Variants in CACNB2 observed in about 807,000 individuals in gnomAD.
The protein encoded by CACNB2 is calcium voltage-gated channel auxiliary subunit beta 2.
Under a neutral mutation model 73.3 loss-of-function variants are expected in CACNB2, and 42 were observed. The ratio of observed to expected loss-of-function variants is 0.57; its 90% confidence interval spans 0.45 to 0.74. CACNB2 has a LOEUF of 0.74. Among genes scored for constraint, CACNB2 ranks in the 30% least tolerant of loss-of-function variants. CACNB2 has a pLI of 0.00. For synonymous variants in CACNB2, 348 were observed against 310.3 expected (o/e 1.12, Z -1.28); for missense variants, 940 against 853.0 (o/e 1.10, Z -1.27).
intron 3 of CACNB2, among the ~76,000 whole-genome samples, chr10:18,484,874 G>T (rs1287993598): frequency 6.6e-6 from 1 of 152,040 alleles, no homozygotes; most frequent in East Asian, 1.9e-4. Context: ...CAAAATCCTG[G>T]CTGGGCGCGA....
intron 3 of CACNB2, among the ~76,000 whole-genome samples, chr10:18,460,774 C>A (rs1234064991): frequency 6.6e-6 from 1 of 151,592 alleles, no homozygotes; most frequent in Non-Finnish European, 1.5e-5. Flanking sequence ...CCTGTGGCCC[C>A]AGCTACTCAG....
chr10:18,241,789 T>G (rs2036660436), intron 2 of CACNB2, among the ~76,000 whole-genome samples: 1 of 152,064 alleles, frequency 6.6e-6, no homozygotes, highest in Non-Finnish European at 1.5e-5. Context: ...CTTTTAATCT[T>G]TATAGTCTGC....
intron 2 of CACNB2, among the ~76,000 whole-genome samples, chr10:18,177,972 A>T (rs2033691860): frequency 6.6e-6 from 1 of 152,142 alleles, no homozygotes. Flanking sequence ...TATCATATGC[A>T]TTTTGCAGCT....
intron 2 of CACNB2, among the ~76,000 whole-genome samples, chr10:18,355,965 C>A (rs1028594978): frequency 6.6e-6 from 1 of 151,968 alleles, no homozygotes; most frequent in Non-Finnish European, 1.5e-5. Context: ...CTGTAATGTC[C>A]GAGTCAACTA....
At chr10:18,248,563 C>T (rs536510784) in intron 2 of CACNB2, among the ~76,000 whole-genome samples, 1 of 152,256 alleles carries the variant, frequency 6.6e-6, no homozygotes, top group Admixed American at 6.5e-5. Flanking sequence ...TCATTCATTT[C>T]TTTGTCACTA....
In CACNB2 at chr10:18,176,413, A is replaced by G. The variant is rs1421935175; in HGVS notation, c.213+25438A>G. On this transcript the variant is annotated intron_variant, in intron 2 of 13. Coordinates refer to ENST00000324631, the MANE Select transcript of CACNB2 (RefSeq NM_201596.3). ...AGGGAAATAGAGAAAGTGCTCTAGG[A>G]GTTTAGTGTAGGAACATATTGTTCT... 2.0e-5 allele frequency among the ~76,000 whole-genome samples: 3 copies of G among 152,128 alleles called. No individual in the cohort carries two copies. In the East Asian group the frequency reaches 5.8e-4, roughly 29 times the overall value.
At chr10:18,424,745 G>A (rs1436974646) in intron 3 of CACNB2, among the ~76,000 whole-genome samples, 2 of 151,996 alleles carry the variant, frequency 1.3e-5, no homozygotes, top group African/African-American at 4.8e-5. Context: ...GTTCTTTTGA[G>A]ACTGCTTTTT....
At chr10:18,472,347 T>C (rs140192425) in intron 3 of CACNB2, among the ~76,000 whole-genome samples, 3,426 of 151,194 alleles carry the variant, frequency 0.023, 47 homozygotes, top group African/African-American at 0.025. Flanking sequence ...AGTGATTCTT[T>C]TGCCTCAGCC....
At chr10:18,273,896 A>G (rs550651508) in intron 2 of CACNB2, among the ~76,000 whole-genome samples, 1 of 152,192 alleles carries the variant, frequency 6.6e-6, no homozygotes, top group Non-Finnish European at 1.5e-5. Context: ...AACTTTAACT[A>G]CTAGATCCAG....
At chr10:18,476,610 T>G (rs1264094091) in intron 3 of CACNB2, among the ~76,000 whole-genome samples, 1 of 152,152 alleles carries the variant, frequency 6.6e-6, no homozygotes, top group Non-Finnish European at 1.5e-5. Flanking sequence ...CTACAGAAAG[T>G]GACCAATCAG....
At position 18,539,259 on chromosome 10, in the gene CACNB2, C is replaced by T. The variant is rs34813638; in HGVS notation, c.1518C>T (p.Arg506=). Residue 506 remains arginine, a synonymous_variant, in exon 14 of 14, where the codon CGC becomes CGT. Transcript: ENST00000324631. ...CTCAAGGTGATCAGAGGACTGATCG[C>T]TCCGCTCCTATCCGTTCTGCTTCCC... ...QGSQGDQRTD[R]SAPIRSASQA... The T allele has an allele frequency of 1.8e-3, 2,898 of 1,613,990 alleles. 47 individuals are homozygous for T. In the African/African-American group the frequency reaches 0.035, roughly 20 times the overall value.
chr10:18,484,141 C>A (rs1257847278), intron 3 of CACNB2, among the ~76,000 whole-genome samples: 1 of 152,168 alleles, frequency 6.6e-6, no homozygotes, highest in Admixed American at 6.5e-5. Flanking sequence ...CACTTGTAAT[C>A]CCAGCACTTT....
rs111401669 is a variant in CACNB2, at chr10:18,487,048, G to A, written c.334-11307G>A. 3.0e-3 allele frequency among the ~76,000 whole-genome samples: 456 copies of A among 152,278 alleles called. 3 individuals carry two copies. Among genetic ancestry groups the A allele is most frequent in the African/African-American group, 0.011 (445 of 41,550 alleles). ...GGGGTTTCATAGTTGAGCTTGAGAA[G>A]GCGCTGTCTGCTTTACATAGGGCGC... On this transcript the variant is annotated intron_variant, in intron 3 of 13. Coordinates refer to ENST00000324631, the MANE Select transcript of CACNB2 (RefSeq NM_201596.3).
intron 2 of CACNB2, among the ~76,000 whole-genome samples, chr10:18,205,709 CT>C (rs1184777478): frequency 6.6e-6 from 1 of 152,146 alleles, no homozygotes; most frequent in Non-Finnish European, 1.5e-5. Flanking sequence ...TTGGCCTGAT[CT>C]TCAATTCTTT....
intron 3 of CACNB2, among the ~76,000 whole-genome samples, chr10:18,425,656 AG>A (rs1266124349): frequency 6.6e-6 from 1 of 152,196 alleles, no homozygotes; most frequent in Non-Finnish European, 1.5e-5. Flanking sequence ...CAACAGAGCA[AG>A]ACCATGTCTC....
intron 2 of CACNB2, among the ~76,000 whole-genome samples, chr10:18,236,651 C>T (rs1449665957): frequency 1.3e-5 from 2 of 152,106 alleles, no homozygotes; most frequent in African/African-American, 2.4e-5. Context: ...TACCAGAAGA[C>T]ATGTGTTTGT....
chr10:18,478,899 G>A (rs2048576904), intron 3 of CACNB2, among the ~76,000 whole-genome samples: 1 of 152,068 alleles, frequency 6.6e-6, no homozygotes, highest in Admixed American at 6.6e-5. Context: ...GCTGTGGGAG[G>A]GATGTGGGGG....
At chr10:18,298,692 A>G (rs1002293600) in intron 2 of CACNB2, among the ~76,000 whole-genome samples, 13 of 152,186 alleles carry the variant, frequency 8.5e-5, no homozygotes, top group African/African-American at 3.1e-4. Flanking sequence ...TGGACATTAG[A>G]TGTCTTGACC....
At chr10:18,424,547 C>T (rs1036499773) in intron 3 of CACNB2, among the ~76,000 whole-genome samples, 2 of 152,080 alleles carry the variant, frequency 1.3e-5, no homozygotes, top group African/African-American at 4.8e-5. Flanking sequence ...TCAGTCTGGT[C>T]GGGTGTCCGA....
Sources: allele counts gnomAD v4.1 joint callset (sites outside exome capture counted in the v4.1 genomes callset), GRCh38; gene constraint gnomAD v4.1.1; transcripts MANE v1.5; gene names NCBI Gene and HGNC (gene_info 2026-07-23, HGNC 2026-07-21).